The following MYO1D variants were observed in gnomAD, a reference collection of about 807,000 sequenced individuals.
MYO1D encodes unconventional myosin-Id.
MYO1D carries 83 observed loss-of-function variants against 122.0 expected under a neutral mutation model. That is an observed-to-expected ratio of 0.68 (90% confidence interval 0.57 to 0.82). The LOEUF (loss-of-function observed/expected upper bound fraction) is 0.82. Ranked by LOEUF, MYO1D falls within the 40% of genes least tolerant of loss-of-function variation. The probability of loss-of-function intolerance (pLI) is 0.00; values close to 1 mark genes in which losing one functional copy is unlikely to be tolerated. For synonymous variants in MYO1D, 464 were observed against 446.9 expected (o/e 1.04, Z -0.48); for missense variants, 1,157 against 1,269.5 (o/e 0.91, Z 1.35).
At chr17:32,498,188 T>G (rs1445572039) in intron 21 of MYO1D, 1 of 152,236 alleles carries the variant, frequency 6.6e-6, no homozygotes, top group African/African-American at 2.4e-5. Context: ...CCACGGATAT[T>G]GATCTGAGGC....
At chr17:32,699,204 C>G (rs2089214833) in intron 16 of MYO1D, among the ~76,000 whole-genome samples, 1 of 152,004 alleles carries the variant, frequency 6.6e-6, no homozygotes, top group African/African-American at 2.4e-5. Flanking sequence ...ACCTCGTGAT[C>G]CCCCTGCCTC....
At chr17:32,859,636 G>T (rs960656471) in intron 1 of MYO1D, among the ~76,000 whole-genome samples, 8 of 152,234 alleles carry the variant, frequency 5.3e-5, no homozygotes, top group Non-Finnish European at 8.8e-5. Flanking sequence ...GGGTCTCCCA[G>T]AATAAACATA....
chr17:32,504,376 G>A (rs1909423763), intron 21 of MYO1D, among the ~76,000 whole-genome samples: 1 of 152,192 alleles, frequency 6.6e-6, no homozygotes, highest in Non-Finnish European at 1.5e-5. Flanking sequence ...GACTCATGGA[G>A]CGCCCAGGGT....
rs1429717099 is a variant in MYO1D, at chr17:32,738,286, A to G, written c.1713T>C (p.Ser571=). Residue 571 remains serine, a synonymous_variant, in exon 14 of 22, where the codon TCT becomes TCC. Transcript: ENST00000318217. ...CAAGGTTGTCTACTAGAGCAATCAT[A>G]GAATTCTTAAACAAGGTAGCAGCAG... is the stretch of plus-strand genomic sequence containing the variant. ...PLTAATLFKN[S]MIALVDNLAS... 2 of 1,609,594 alleles carry G rather than the reference A, an allele frequency of 1.2e-6. No individual in the cohort carries two copies. Among genetic ancestry groups the G allele is most frequent in the Non-Finnish European group, 1.7e-6 (2 of 1,178,030 alleles).
intron 21 of MYO1D, among the ~76,000 whole-genome samples, chr17:32,534,588 C>T (rs542031523): frequency 4.7e-4 from 72 of 152,298 alleles, no homozygotes; most frequent in Non-Finnish European, 7.6e-4. Context: ...AAGTTTAAAT[C>T]CTTAATGGGT....
At chr17:32,722,011 C>T (rs2089518134) in intron 14 of MYO1D, among the ~76,000 whole-genome samples, 1 of 152,132 alleles carries the variant, frequency 6.6e-6, no homozygotes, top group Non-Finnish European at 1.5e-5. Context: ...GATTAAGATA[C>T]AGAATACTCT....
At chr17:32,783,816 C>T (rs2090264808) in intron 1 of MYO1D, among the ~76,000 whole-genome samples, 1 of 152,116 alleles carries the variant, frequency 6.6e-6, no homozygotes, top group Admixed American at 6.6e-5. Context: ...CTGTTTGCCT[C>T]CAGGAAGAAC....
At chr17:32,528,423 T>TA (rs1265900742) in intron 21 of MYO1D, among the ~76,000 whole-genome samples, 1 of 152,020 alleles carries the variant, frequency 6.6e-6, no homozygotes, top group East Asian at 1.9e-4. Context: ...AGCTCTTGAG[T>TA]AGAACTTAGG....
rs1440488059 is a variant in MYO1D at position 32,636,086 on chromosome 17, G to A, written c.2709+2636C>T. 3.3e-5 allele frequency among the ~76,000 whole-genome samples: 5 copies of A among 152,078 alleles called. No individual in the cohort carries two copies. The South Asian group carries it at 1.0e-3, about 32-fold the overall frequency. ...CTCTTTTTCCCACCATTTAACTGTG[G>A]ATGTTTTTGAATAATCCACCCCCTT... On this transcript the variant is annotated intron_variant, in intron 20 of 21. Transcript: ENST00000318217.
At chr17:32,717,163 C>T (rs2089458732) in intron 15 of MYO1D, among the ~76,000 whole-genome samples, 2 of 152,306 alleles carry the variant, frequency 1.3e-5, no homozygotes, top group South Asian at 4.1e-4. Flanking sequence ...CAGTGACTTC[C>T]TATATGTGAA....
intron 21 of MYO1D, among the ~76,000 whole-genome samples, chr17:32,507,415 C>T (rs958605264): frequency 6.6e-6 from 1 of 151,788 alleles, no homozygotes; most frequent in Non-Finnish European, 1.5e-5. Flanking sequence ...AAAAAACTCC[C>T]CCAAAAACAA....
At chr17:32,562,925 G>A (rs1186737631) in intron 21 of MYO1D, among the ~76,000 whole-genome samples, 1 of 152,008 alleles carries the variant, frequency 6.6e-6, no homozygotes, top group Non-Finnish European at 1.5e-5. Flanking sequence ...TAAAGGGAGG[G>A]GCATTTGAAA....
At chr17:32,740,843 G>A (rs1413761621) in intron 13 of MYO1D, among the ~76,000 whole-genome samples, 2 of 152,128 alleles carry the variant, frequency 1.3e-5, no homozygotes, top group Admixed American at 6.6e-5. Flanking sequence ...TAGAAGGGAA[G>A]CTCCTCCAGA....
chr17:32,633,338 T>C (rs990332728), intron 20 of MYO1D, among the ~76,000 whole-genome samples: 3 of 151,538 alleles, frequency 2.0e-5, no homozygotes, highest in Middle Eastern at 3.4e-3. Context: ...AAAGTACATA[T>C]AATCAATATT....
intron 1 of MYO1D, among the ~76,000 whole-genome samples, chr17:32,838,689 G>T (rs962870809): frequency 6.6e-6 from 1 of 152,086 alleles, no homozygotes; most frequent in African/African-American, 2.4e-5. Flanking sequence ...TTCATCGGGG[G>T]CAAAGTGTTC....
chr17:32,742,353 G>C (rs1194250995), intron 13 of MYO1D, among the ~76,000 whole-genome samples: 1 of 152,200 alleles, frequency 6.6e-6, no homozygotes, highest in Non-Finnish European at 1.5e-5. Context: ...GTTACTGTTA[G>C]ATTTTCCACT....
intron 15 of MYO1D, among the ~76,000 whole-genome samples, chr17:32,715,010 T>C (rs185324487): frequency 2.5e-4 from 38 of 151,666 alleles, no homozygotes; most frequent in African/African-American, 9.2e-4. Flanking sequence ...GCAAAGGATA[T>C]AAACAGACAC....
intron 16 of MYO1D, among the ~76,000 whole-genome samples, chr17:32,677,580 A>AT (rs2088834937): frequency 3.7e-5 from 5 of 135,898 alleles, no homozygotes; most frequent in Non-Finnish European, 6.2e-5. Flanking sequence ...TAGATAGATA[A>AT]ATATATATAT....
At chr17:32,592,809 A>G (rs1453081472) in intron 21 of MYO1D, among the ~76,000 whole-genome samples, 2 of 152,242 alleles carry the variant, frequency 1.3e-5, no homozygotes, top group Non-Finnish European at 2.9e-5. Context: ...CTGGAACCAT[A>G]AAACTAAAAA....
Sources: gnomAD v4.1 joint callset for allele counts (sites outside exome capture counted in the v4.1 genomes callset) on GRCh38, gnomAD v4.1.1 for gene constraint, MANE v1.5 for transcripts, NCBI Gene and HGNC (gene_info 2026-07-23, HGNC 2026-07-21) for gene names.